Variants in ALS2 observed in about 807,000 individuals in gnomAD.
ALS2 encodes the protein alsin Rho guanine nucleotide exchange factor ALS2, also known as alsin.
ALS2 carries 117 observed loss-of-function variants against 203.4 expected under a neutral mutation model. That is an observed-to-expected ratio of 0.58 (90% CI 0.50 to 0.67). The LOEUF is 0.67. Among genes scored for constraint, ALS2 ranks in the 30% least tolerant of loss-of-function variants. The probability of loss-of-function intolerance (pLI) is 0.00; values close to 1 mark genes in which losing one functional copy is unlikely to be tolerated. For missense variants in ALS2, 1,715 were observed against 1,989.4 expected (o/e 0.86, Z 2.62); for synonymous variants, 718 against 725.9 (o/e 0.99, Z 0.17).
At position 201,704,194 on chromosome 2, in the gene ALS2, T is replaced by C. The variant is rs1258953110; in HGVS notation, c.4863A>G (p.Val1621=). ...GGTCCATTAGATCCTCAATGAGGTG[T>C]ACCTCAGAGCCTAAATTCCTAATCC... ...RARIRNLGSE[V]HLIEDLMDPY... is the part of the protein sequence containing the mutation. Residue 1621 remains valine (V), a synonymous_variant, in exon 33 of 34, where the codon GTA becomes GTG. Transcript: ENST00000264276. 6.2e-7 allele frequency: 1 copy of C among 1,614,110 alleles called. No homozygotes were observed. Among genetic ancestry groups the C allele is most frequent in the Non-Finnish European group, 8.5e-7 (1 of 1,179,956 alleles).
chr2:201,760,305 C>T (rs762713412), intron 4 of ALS2: 73 of 972,990 alleles, frequency 7.5e-5, no homozygotes, highest in Non-Finnish European at 8.9e-5. Flanking sequence ...AGCAAGACCC[C>T]ATCTCAAAAA....
rs7598082 is a variant in ALS2 at position 201,704,931 on chromosome 2, C to A, written c.4688+208G>T. The stretch of plus-strand genomic sequence containing the variant: ...GGATAAATTTCTGGCTTGGCTCTCT[C>A]CTACTTTTGAAAATGCAAGGTCATT... On this transcript the variant is annotated intron_variant, in intron 31 of 33. Coordinates refer to ENST00000264276, the MANE Select transcript of ALS2 (RefSeq NM_020919.4). Among the ~76,000 whole-genome samples, 136,129 of 152,208 alleles carry A rather than the reference C, an allele frequency of 0.89. 61,079 individuals carry two copies. Among genetic ancestry groups the A allele is most frequent in the East Asian group, 0.98 (5,102 of 5,182 alleles).
chr2:201,759,034 C>G (rs1250427483), intron 4 of ALS2, among the ~76,000 whole-genome samples: 2 of 152,156 alleles, frequency 1.3e-5, no homozygotes, highest in African/African-American at 4.8e-5. Context: ...TTCAGAAGAA[C>G]TAGTGTCACT....
chr2:201,747,462 CTTTT>C (rs35304479), intron 8 of ALS2, among the ~76,000 whole-genome samples: 3 of 133,728 alleles, frequency 2.2e-5, no homozygotes, highest in Admixed American at 7.4e-5. Context: ...CACTCGGTCG[CTTTT>C]TTTTTTTTTT....
At chr2:201,743,223 C>A (rs994857476) in intron 10 of ALS2, among the ~76,000 whole-genome samples, 1 of 152,130 alleles carries the variant, frequency 6.6e-6, no homozygotes, top group African/African-American at 2.4e-5. Flanking sequence ...AGAAAACTTC[C>A]TGTTTTCTGA....
intron 1 of ALS2, among the ~76,000 whole-genome samples, chr2:201,775,376 ATAT>A (rs1374617951): frequency 6.6e-6 from 1 of 152,206 alleles, no homozygotes; most frequent in East Asian, 1.9e-4. Context: ...AGTTGGTTAC[ATAT>A]TATTACAATG....
chr2:201,705,529 G>A, intron 29 of ALS2, 68 bp from the exon 30 acceptor site: 1 of 1,265,150 alleles, frequency 7.9e-7, no homozygotes, highest in East Asian at 2.4e-5. Context: ...CATAAAAATA[G>A]TTGACAGCTA....
At chr2:201,772,819 T>G (rs546497290) in intron 1 of ALS2, among the ~76,000 whole-genome samples, 1 of 151,748 alleles carries the variant, frequency 6.6e-6, no homozygotes, top group Admixed American at 6.6e-5. Context: ...TTGCATTGCT[T>G]CCAGTGGGAC....
At position 201,767,239 on chromosome 2, in the gene ALS2, A is replaced by G. The variant is rs1199298526; in HGVS notation, c.165T>C (p.Leu55=). The G allele has an allele frequency of 1.2e-6, 2 of 1,614,072 alleles. No individual in the cohort carries two copies. Among genetic ancestry groups the G allele is most frequent in the Non-Finnish European group, 1.7e-6 (2 of 1,180,006 alleles). The change falls in exon 3 of 34, where the codon CTT becomes CTC. Residue 55 remains leucine (L), a synonymous_variant. Coordinates refer to ENST00000264276, the MANE Select transcript of ALS2 (RefSeq NM_020919.4). The part of the protein sequence containing the change: ...QAALGVKHGV[L]LTEDGEVYSF... The stretch of plus-strand genomic sequence containing the variant: ...CATTCTTTTCATTACCTTCAGTCAG[A>G]AGAACTCCATGTTTCACTCCGAGGG...
chr2:201,739,684 G>A (rs570342389), intron 11 of ALS2, among the ~76,000 whole-genome samples: 4 of 151,568 alleles, frequency 2.6e-5, no homozygotes, highest in South Asian at 4.2e-4. Context: ...CAGAGGTTGC[G>A]GCGAGCCAAG....
intron 9 of ALS2, among the ~76,000 whole-genome samples, chr2:201,745,754 G>C (rs566158082): frequency 6.6e-6 from 1 of 152,092 alleles, no homozygotes; most frequent in African/African-American, 2.4e-5. Context: ...TTCAAGACCA[G>C]CCTGACCAAC....
At chr2:201,767,417 T>C (rs190634357) in intron 2 of ALS2, 34 bp from the exon 3 acceptor site, 10 of 1,608,870 alleles carry the variant, frequency 6.2e-6, no homozygotes, top group Middle Eastern at 3.3e-4. Flanking sequence ...TAATTGTTTC[T>C]ACAATTCAGA....
intron 24 of ALS2, 21 bp from the exon 25 acceptor site, chr2:201,715,860 T>G (rs1690355764): frequency 6.2e-7 from 1 of 1,613,368 alleles, no homozygotes; most frequent in African/African-American, 1.3e-5. Flanking sequence ...CATATCAACC[T>G]TTTATTAATC....
chr2:201,775,828 C>A (rs1236266966), intron 1 of ALS2, among the ~76,000 whole-genome samples: 1 of 152,216 alleles, frequency 6.6e-6, no homozygotes, highest in East Asian at 1.9e-4. Context: ...TAGAAAGCTA[C>A]TTATTAGTTA....
At chr2:201,734,924 T>TA (rs141444632) in intron 12 of ALS2, among the ~76,000 whole-genome samples, 7,923 of 152,058 alleles carry the variant, frequency 0.052, 220 homozygotes, top group Middle Eastern at 0.085. Flanking sequence ...ATTTTTAAAA[T>TA]AAAAAAATAT....
intron 12 of ALS2, among the ~76,000 whole-genome samples, chr2:201,737,729 T>C (rs1691972217): frequency 6.6e-6 from 1 of 152,000 alleles, no homozygotes; most frequent in Non-Finnish European, 1.5e-5. Flanking sequence ...TGAGACCAGC[T>C]TGGTCAACAT....
intron 4 of ALS2, among the ~76,000 whole-genome samples, chr2:201,758,760 A>ACGTG (rs1553514686): frequency 6.6e-6 from 1 of 150,628 alleles, no homozygotes; most frequent in Non-Finnish European, 1.5e-5. Flanking sequence ...GTGTGTGCGC[A>ACGTG]TGTGTGTGTG....
intron 12 of ALS2, among the ~76,000 whole-genome samples, chr2:201,736,505 A>G (rs1691885007): frequency 6.6e-6 from 1 of 152,198 alleles, no homozygotes; most frequent in Non-Finnish European, 1.5e-5. Flanking sequence ...TACATTAGAA[A>G]AATTTTAAAT....
In ALS2 at chr2:201,761,102, C is replaced by A. The variant is rs759250548; in HGVS notation, c.892G>T (p.Asp298Tyr). Reference protein sequence around the residue: ...EVFENTLVANDQSVATELNAV... With the variant: ...EVFENTLVANYQSVATELNAV... ...TTCAGTTCAGTAGCAACAGACTGAT[C>A]ATTTGCTACAAGAGTGTTCTCAAAT... is the stretch of plus-strand genomic sequence containing the variant. The change falls in exon 4 of 34, where the codon GAT becomes TAT. Residue 298 changes from aspartate (D) to tyrosine (Y), a missense_variant. Asp to Tyr is a radical substitution (Grantham distance 160). Coordinates refer to ENST00000264276, the MANE Select transcript of ALS2 (RefSeq NM_020919.4). 1.2e-6 allele frequency: 2 copies of A among 1,614,198 alleles called. No individual in the cohort carries two copies. The highest frequency in any genetic ancestry group is 4.5e-5 in the East Asian group (2 of 44,874).
Sources: allele counts gnomAD v4.1 joint callset (sites outside exome capture counted in the v4.1 genomes callset), GRCh38; gene constraint gnomAD v4.1.1; transcripts MANE v1.5; gene names NCBI Gene and HGNC (gene_info 2026-07-23, HGNC 2026-07-21).